ATXN2: variants seen among roughly 807,000 people sequenced by gnomAD.
ATXN2 encodes ataxin-2.
A neutral mutation model predicts 138.6 loss-of-function variants in ATXN2; 37 were observed. That is an observed-to-expected ratio of 0.27 (90% CI 0.21 to 0.35). The LOEUF (loss-of-function observed/expected upper bound fraction) is 0.35. Among genes scored for constraint, ATXN2 ranks in the 10% least tolerant of loss-of-function variants. ATXN2 has a pLI of 1.00. For missense variants in ATXN2, 1,216 were observed against 1,480.3 expected (o/e 0.82, Z 2.93); for synonymous variants, 549 against 543.7 (o/e 1.01, Z -0.13).
intron 18 of ATXN2, among the ~76,000 whole-genome samples, chr12:111,483,410 C>A (rs1323756090): frequency 1.8e-4 from 24 of 131,038 alleles, no homozygotes; most frequent in South Asian, 2.4e-4. Context: ...AACTGGTTGG[C>A]AAAAAAAAAA....
At chr12:111,465,018 C>A (rs1353102005) in intron 20 of ATXN2, among the ~76,000 whole-genome samples, 1 of 152,092 alleles carries the variant, frequency 6.6e-6, no homozygotes, top group Non-Finnish European at 1.5e-5. Flanking sequence ...TGATATAAAT[C>A]ATGTACCAAA....
intron 14 of ATXN2, among the ~76,000 whole-genome samples, chr12:111,502,465 T>C (rs1166112741): frequency 6.6e-6 from 1 of 152,146 alleles, no homozygotes; most frequent in African/African-American, 2.4e-5. Flanking sequence ...GTTTCGCTCT[T>C]ATTGCCCAGG....
At chr12:111,519,527 C>T (rs1319393867) in intron 8 of ATXN2, among the ~76,000 whole-genome samples, 1 of 152,174 alleles carries the variant, frequency 6.6e-6, no homozygotes, top group African/African-American at 2.4e-5. Context: ...ATGCTAGCTC[C>T]TCCTCATTCT....
At chr12:111,579,910 G>C (rs1395669879) in intron 1 of ATXN2, among the ~76,000 whole-genome samples, 1 of 151,870 alleles carries the variant, frequency 6.6e-6, no homozygotes, top group Non-Finnish European at 1.5e-5. Context: ...ATGTTGGCCA[G>C]GCTGGTCTCG....
At chr12:111,512,299 T>TG (rs1195811731) in intron 11 of ATXN2, among the ~76,000 whole-genome samples, 266 of 152,090 alleles carry the variant, frequency 1.7e-3, no homozygotes, top group African/African-American at 6.0e-3. Context: ...AGAGAAAAAG[T>TG]GTTTTTTTTG....
chr12:111,481,050 C>CT (rs1877191524), intron 18 of ATXN2, among the ~76,000 whole-genome samples: 1 of 152,182 alleles, frequency 6.6e-6, no homozygotes, highest in Non-Finnish European at 1.5e-5. Flanking sequence ...TGGTTCGCGT[C>CT]TAAAATCTCA....
intron 14 of ATXN2, among the ~76,000 whole-genome samples, chr12:111,489,292 G>A (rs1254605538): frequency 6.6e-6 from 1 of 152,140 alleles, no homozygotes; most frequent in African/African-American, 2.4e-5. Flanking sequence ...AAAGAAAAGG[G>A]AGAAGCTGGC....
intron 5 of ATXN2, among the ~76,000 whole-genome samples, chr12:111,547,834 G>A (rs1592888676): frequency 2.3e-5 from 3 of 130,642 alleles, no homozygotes; most frequent in South Asian, 2.4e-4. Flanking sequence ...TATTGCTTGA[G>A]AATTTTTTTT....
intron 5 of ATXN2, among the ~76,000 whole-genome samples, chr12:111,546,743 C>T (rs1349236772): frequency 3.3e-5 from 5 of 152,136 alleles, no homozygotes; most frequent in South Asian, 2.1e-4. Context: ...CAAAGATACA[C>T]GAATACAGAG....
intron 1 of ATXN2, among the ~76,000 whole-genome samples, chr12:111,576,819 A>G (rs1251926734): frequency 1.3e-5 from 2 of 150,974 alleles, no homozygotes; most frequent in Non-Finnish European, 2.9e-5. Flanking sequence ...TTAGCCAGGC[A>G]TGGTGGCGGG....
At chr12:111,574,636 T>G (rs1284232303) in intron 1 of ATXN2, among the ~76,000 whole-genome samples, 2 of 152,082 alleles carry the variant, frequency 1.3e-5, no homozygotes, top group African/African-American at 4.8e-5. Flanking sequence ...TTGCCTAGGC[T>G]GATCTTGAAT....
At chr12:111,550,091 GA>G (rs1882044968) in intron 5 of ATXN2, among the ~76,000 whole-genome samples, 1 of 148,000 alleles carries the variant, frequency 6.8e-6, no homozygotes, top group Non-Finnish European at 1.5e-5. Flanking sequence ...AGAGAGAAAA[GA>G]AAAAATAAGA....
intron 20 of ATXN2, among the ~76,000 whole-genome samples, chr12:111,467,143 T>C (rs1876082850): frequency 6.6e-6 from 1 of 151,738 alleles, no homozygotes; most frequent in Non-Finnish European, 1.5e-5. Context: ...CTTTCTTATG[T>C]TTTCTTTTTT....
intron 20 of ATXN2, among the ~76,000 whole-genome samples, chr12:111,468,081 T>G (rs1378520987): frequency 6.6e-6 from 1 of 152,266 alleles, no homozygotes; most frequent in Non-Finnish European, 1.5e-5. Context: ...ACTTGTTAAA[T>G]CATGATGTAT....
At chr12:111,501,446 A>G (rs1878754301) in intron 14 of ATXN2, among the ~76,000 whole-genome samples, 1 of 152,134 alleles carries the variant, frequency 6.6e-6, no homozygotes, top group Non-Finnish European at 1.5e-5. Flanking sequence ...CTAAAGAGAA[A>G]CCTACACAGC....
intron 5 of ATXN2, among the ~76,000 whole-genome samples, chr12:111,526,671 C>T (rs936062182): frequency 2.0e-5 from 3 of 152,184 alleles, no homozygotes; most frequent in African/African-American, 4.8e-5. Context: ...TCCCAAAGTG[C>T]TGGGATTACA....
At chr12:111,508,113 C>G (rs1164597689) in intron 14 of ATXN2, among the ~76,000 whole-genome samples, 5 of 151,478 alleles carry the variant, frequency 3.3e-5, no homozygotes, top group Non-Finnish European at 5.9e-5. Context: ...TCCTATGACC[C>G]TGCCAAATCC....
At chr12:111,492,667 G>A (rs964339107) in intron 14 of ATXN2, among the ~76,000 whole-genome samples, 2 of 151,352 alleles carry the variant, frequency 1.3e-5, no homozygotes, top group African/African-American at 4.9e-5. Flanking sequence ...GGGCGACAGA[G>A]CGAGACTCTG....
intron 18 of ATXN2, among the ~76,000 whole-genome samples, chr12:111,481,484 T>C (rs920745392): frequency 5.9e-5 from 8 of 136,460 alleles, no homozygotes; most frequent in Non-Finnish European, 9.0e-5. Context: ...ACCACTAGAA[T>C]GGACATAACC....
Sources: allele counts gnomAD v4.1 joint callset (sites outside exome capture counted in the v4.1 genomes callset), GRCh38; gene constraint gnomAD v4.1.1; transcripts MANE v1.5; gene names NCBI Gene and HGNC (gene_info 2026-07-23, HGNC 2026-07-21).